The following CNTNAP1 variants were observed in gnomAD, a reference collection of about 807,000 sequenced individuals.
The protein encoded by CNTNAP1 is contactin-associated protein 1.
In CNTNAP1, 80 loss-of-function variants were observed where a neutral mutation model predicts 161.5. That is an observed-to-expected ratio of 0.50 (90% CI 0.41 to 0.60). The LOEUF (loss-of-function observed/expected upper bound fraction) is 0.60, where lower values mean the gene tolerates loss of function less well. CNTNAP1 is among the 20% of genes least tolerant of loss of function. CNTNAP1 has a pLI of 0.00. For missense variants in CNTNAP1, 1,464 were observed against 1,854.8 expected, an observed-to-expected ratio of 0.79 and a Z score of 3.87; for synonymous variants, 695 against 733.1, an observed-to-expected ratio of 0.95 and a Z score of 0.84.
intron 19 of CNTNAP1, 51 bp from the exon 20 acceptor site, chr17:42,695,974 G>T (rs750485800): frequency 2.5e-6 from 4 of 1,607,630 alleles, no homozygotes; most frequent in East Asian, 2.2e-5. Context: ...GCTGTTAGAA[G>T]ATAGGAGTCA....
chr17:42,683,113 T>TGAAG (rs1166195801), intron 1 of CNTNAP1: 1 of 612,782 alleles, frequency 1.6e-6, no homozygotes, highest in African/African-American at 1.9e-5. Context: ...GGGAAGAGGA[T>TGAAG]GAAGTCAGCG....
chr17:42,685,152 G>A lies in CNTNAP1; in HGVS notation c.511+14G>A. 6.2e-7 allele frequency: 1 copy of A among 1,603,800 alleles called. No individual in the cohort carries two copies. Among genetic ancestry groups the A allele is most frequent in the East Asian group, 2.2e-5 (1 of 44,730 alleles). On this transcript the variant is annotated intron_variant, in intron 4 of 23. Coordinates refer to ENST00000264638, the MANE Select transcript of CNTNAP1 (RefSeq NM_003632.3). This position sits in a 1 kb window ranked among gnomAD's most constrained non-coding sequence, Gnocchi z 5.0. ...GCTGCCCATACAGTAAGTGTGCAGAGAGCGCGGAGGGGGCCTGGGAGACAG... is the reference window on the plus strand; with the variant it reads ...GCTGCCCATACAGTAAGTGTGCAGAAAGCGCGGAGGGGGCCTGGGAGACAG...
At position 42,696,155 on chromosome 17, in the gene CNTNAP1, A is replaced by G; in HGVS notation, c.3474+3A>G. 6.2e-7 allele frequency: 1 copy of G among 1,614,144 alleles called. No homozygotes were observed. The highest frequency in any genetic ancestry group is 1.1e-5 in the South Asian group (1 of 91,082). ...TTTACCGGAACCTCTTCATCCAGGT[A>G]TGCATAGAGGGAGGTGAGCCAGTTC... On this transcript the variant is annotated splice_donor_region_variant and intron_variant, in intron 20 of 23. Transcript: ENST00000264638.
rs995546181 is a variant in CNTNAP1, at chr17:42,687,544, C to T, written c.1045-176C>T. On this transcript the variant is annotated intron_variant, in intron 7 of 23. Coordinates refer to ENST00000264638, the MANE Select transcript of CNTNAP1 (RefSeq NM_003632.3). The surrounding 1 kb of genome is among the most constrained non-coding windows in gnomAD (Gnocchi z 4.7). ...TCCGAGGGCCGACTGGGTTGGGGCC[C>T]CCTCCACAGATGGACGAGCTTGGAG... 8.6e-6 allele frequency: 7 copies of T among 816,194 alleles called. No individual in the cohort carries two copies. Among genetic ancestry groups the T allele is most frequent in the Non-Finnish European group, 1.3e-5 (7 of 520,540 alleles). The allele number at this position is 816,194 out of a possible 1,614,324, so 50.6% of individuals were successfully genotyped here.
chr17:42,698,920 G>A lies in CNTNAP1; in HGVS notation c.*10G>A, dbSNP rs2053190839. ...GTCCAGGTCTGAATGAGTCAGAAGG[G>A]CTTCTGGGACCAATTCCAGCTCCTG... is the stretch of plus-strand genomic sequence containing the variant. On this transcript the variant is annotated 3_prime_UTR_variant, in exon 24 of 24. Transcript: ENST00000264638. 2 of 1,487,578 alleles carry A rather than the reference G, an allele frequency of 1.3e-6. No homozygotes were observed. Among genetic ancestry groups the A allele is most frequent in the Non-Finnish European group, 1.8e-6 (2 of 1,124,260 alleles). The allele number at this position is 1,487,578 out of a possible 1,614,324, so 92.1% of individuals were successfully genotyped here.
intron 16 of CNTNAP1, among the ~76,000 whole-genome samples, 163 bp from the exon 17 acceptor site, chr17:42,692,336 T>A (rs889777391): frequency 6.6e-6 from 1 of 151,874 alleles, no homozygotes; most frequent in Admixed American, 6.6e-5. Context: ...GGGTATGAGG[T>A]TTTTAAGCAG....
chr17:42,685,358 C>T lies in CNTNAP1; in HGVS notation c.653C>T (p.Ala218Val). The T allele has an allele frequency of 6.2e-7, 1 of 1,609,002 alleles. No individual in the cohort carries two copies. Among genetic ancestry groups the T allele is most frequent in the South Asian group, 1.1e-5 (1 of 91,086 alleles). ...GGTCTTCTGCTGCACGCCGAGGGCG[C>T]CCAGGGCGACTACGTGACGCTCGAG... ...KDGLLLHAEG[A>V]QGDYVTLELE... The change falls in exon 5 of 24, where the codon GCC becomes GTC. Residue 218 changes from alanine (A) to valine (V), a missense_variant. Around this residue, in one of 3 missense-constraint regions of CNTNAP1, gnomAD observed 1,383 missense variants for 1,765.0 expected, o/e 0.78. Coordinates refer to ENST00000264638, the MANE Select transcript of CNTNAP1 (RefSeq NM_003632.3). The surrounding 1 kb of genome is among the most constrained non-coding windows in gnomAD (Gnocchi z 5.0).
Position 42,693,526 on chromosome 17 carries a change from C to T in CNTNAP1, c.2982C>T (p.Tyr994=). The T allele has an allele frequency of 6.2e-7, 1 of 1,613,180 alleles. No individual in the cohort carries two copies. The highest frequency in any genetic ancestry group is 8.5e-7 in the Non-Finnish European group (1 of 1,179,138). The change falls in exon 18 of 24, where the codon TAC becomes TAT. Residue 994 remains tyrosine (Y), a synonymous_variant. Coordinates refer to ENST00000264638, the MANE Select transcript of CNTNAP1 (RefSeq NM_003632.3). ...ACCTCACGGCTTTTGATGGGCCATA[C>T]TGCAACCACGGTAAGTGCTGCTGGT... is the stretch of plus-strand genomic sequence containing the variant. ...DCDLTAFDGP[Y]CNHDIGGFFE... is the part of the protein sequence containing the mutation.
chr17:42,691,189 C>T lies in CNTNAP1; in HGVS notation c.2112C>T (p.Tyr704=). ...GCCGAAATGAGGAGCAGCACTTCTA[C>T]TGGGGAGGCTCCCAGCCTGGGATCC... ...WIGRNEEQHF[Y]WGGSQPGIQR... Residue 704 remains tyrosine (Y), a synonymous_variant, in exon 14 of 24, where the codon TAC becomes TAT. Transcript: ENST00000264638. The surrounding 1 kb of genome is among the most constrained non-coding windows in gnomAD (Gnocchi z 4.3). 3 of 1,614,174 alleles carry T rather than the reference C, an allele frequency of 1.9e-6. No homozygotes were observed. Among genetic ancestry groups the T allele is most frequent in the East Asian group, 2.2e-5 (1 of 44,886 alleles).
chr17:42,687,669 T>A lies in CNTNAP1; in HGVS notation c.1045-51T>A. 6.3e-7 allele frequency: 1 copy of A among 1,592,194 alleles called. No homozygotes were observed. The highest frequency in any genetic ancestry group is 8.6e-7 in the Non-Finnish European group (1 of 1,167,674). ...CCGGTGTGAAAACTGAATTCCCAGC[T>A]GAGGCAGAGGCGGCTCACGGGTGTT... is the stretch of plus-strand genomic sequence containing the variant. On this transcript the variant is annotated intron_variant, in intron 7 of 23. Coordinates refer to ENST00000264638, the MANE Select transcript of CNTNAP1 (RefSeq NM_003632.3). The surrounding 1 kb of genome is among the most constrained non-coding windows in gnomAD (Gnocchi z 4.7).
intron 12 of CNTNAP1, 32 bp from the exon 13 acceptor site, chr17:42,690,707 C>T: frequency 6.2e-7 from 1 of 1,601,486 alleles, no homozygotes. Context: ...TGCCCAACTC[C>T]AGCCAAAGCT....
chr17:42,688,244 G>A (rs1261768071), intron 8 of CNTNAP1, among the ~76,000 whole-genome samples: 1 of 152,168 alleles, frequency 6.6e-6, no homozygotes, highest in Non-Finnish European at 1.5e-5. Flanking sequence ...CTGGAGATTT[G>A]GTTACTCGTT....
chr17:42,697,628 T>C lies in CNTNAP1; in HGVS notation c.3643T>C (p.Phe1215Leu), dbSNP rs2143679908. The C allele has an allele frequency of 6.2e-7, 1 of 1,614,064 alleles. No individual in the cohort carries two copies. The highest frequency in any genetic ancestry group is 1.7e-5 in the Admixed American group (1 of 60,020). The part of the protein sequence containing the change: ...GFSGCLSGVR[F>L]NNVAPLKTHF... ...CTCAGGCTGCCTGTCTGGTGTTCGATTCAACAACGTGGCTCCCCTCAAGAC... is the reference window on the plus strand; with the variant it reads ...CTCAGGCTGCCTGTCTGGTGTTCGACTCAACAACGTGGCTCCCCTCAAGAC... Residue 1215 changes from phenylalanine (F) to leucine (L), a missense_variant, in exon 22 of 24, where the codon TTC becomes CTC. Phe to Leu is a conservative substitution (Grantham distance 22). Transcript: ENST00000264638.
In CNTNAP1 at chr17:42,683,086, G is replaced by C. The variant is rs575112641; in HGVS notation, c.67+190G>C. The C allele has an allele frequency of 3.0e-5, 19 of 637,078 alleles. No individual in the cohort carries two copies. The East Asian group carries it at 4.9e-4, about 16-fold the overall frequency. 39.5% of individuals were successfully genotyped at this position (637,078 alleles called of 1,614,324 possible). A position where few individuals can be genotyped will look rare whatever the true frequency, so the allele number is the denominator to read the frequency against. On this transcript the variant is annotated intron_variant, in intron 1 of 23. Transcript: ENST00000264638. ...CTCTGAGGCTGCCGCGCGCGCCCGGGGCTGGGGCTGGGCTCTGGGAAGAGG... is the reference window on the plus strand; with the variant it reads ...CTCTGAGGCTGCCGCGCGCGCCCGGCGCTGGGGCTGGGCTCTGGGAAGAGG...
intron 9 of CNTNAP1, 69 bp from the exon 10 acceptor site, chr17:42,688,807 C>A: frequency 6.3e-7 from 1 of 1,579,328 alleles, no homozygotes; most frequent in South Asian, 1.1e-5. Context: ...GGCTCCCCCT[C>A]AGCATGTCCC....
chr17:42,696,285 T>C (rs2053151076), intron 20 of CNTNAP1, 133 bp downstream of exon 20: 1 of 1,148,062 alleles, frequency 8.7e-7, no homozygotes, highest in Admixed American at 2.5e-5. Context: ...GTGTGTCACC[T>C]CATGTAACCC....
Position 42,682,634 on chromosome 17 carries a change from C to CAG in CNTNAP1, c.-180_-179dup, listed in dbSNP as rs141298925. 1.2e-3 allele frequency: 638 copies of CAG among 551,356 alleles called. 1 individual carries two copies. The highest frequency in any genetic ancestry group is 3.3e-3 in the African/African-American group (167 of 50,320). 34.2% of individuals were successfully genotyped at this position (551,356 alleles called of 1,614,324 possible). On this transcript the variant is annotated 5_prime_UTR_variant, in exon 1 of 24. Transcript: ENST00000264638. ...GAGAGAAGAGCGGAGGACCAGGAAC[C>CAG]AGAGAGAGAGAGAGAGAAAAGAGAG...
chr17:42,698,421 C>T (rs1374462060), intron 23 of CNTNAP1, among the ~76,000 whole-genome samples, 197 bp from the exon 24 acceptor site: 3 of 150,796 alleles, frequency 2.0e-5, no homozygotes, highest in Admixed American at 2.0e-4. Context: ...GAGGGTCATA[C>T]ATTATGCTTT....
At chr17:42,688,092 AG>A in intron 8 of CNTNAP1, 111 bp downstream of exon 8, 10 of 1,460,724 alleles carry the variant, frequency 6.8e-6, no homozygotes, top group Non-Finnish European at 8.2e-6. Flanking sequence ...AGAGGAGTGA[AG>A]GGGGCAGGGC....
Sources: gnomAD v4.1 joint callset for allele counts (sites outside exome capture counted in the v4.1 genomes callset) on GRCh38, gnomAD v4.1.1 for gene constraint, gnomAD v4.1.1 regional missense constraint, Gnocchi (gnomAD v3.1) non-coding constraint, MANE v1.5 for transcripts, NCBI Gene and HGNC (gene_info 2026-07-23, HGNC 2026-07-21) for gene names.